PEX19: variants seen among roughly 807,000 people sequenced by gnomAD.
The protein encoded by PEX19 is 33 kDa housekeeping protein.
PEX19 carries 29 observed loss-of-function variants against 36.3 expected under a neutral mutation model. That is an observed-to-expected ratio of 0.80 (90% CI 0.60 to 1.09). The LOEUF (loss-of-function observed/expected upper bound fraction) is 1.09, where lower values mean the gene tolerates loss of function less well. PEX19 is among the 50% of genes least tolerant of loss of function. The pLI is 0.00. For missense variants in PEX19, 396 were observed against 368.1 expected, an observed-to-expected ratio of 1.08 and a Z score of -0.62; for synonymous variants, 141 against 135.2, an observed-to-expected ratio of 1.04 and a Z score of -0.30.
At position 160,283,007 on chromosome 1, in the gene PEX19, C is replaced by A. The variant is rs746239897; in HGVS notation, c.283G>T (p.Ala95Ser). 2 of 1,614,218 alleles carry A rather than the reference C, an allele frequency of 1.2e-6. No homozygotes were observed. Among genetic ancestry groups the A allele is most frequent in the Non-Finnish European group, 8.5e-7 (1 of 1,180,042 alleles). The change falls in exon 3 of 8, where the codon GCT becomes TCT. Residue 95 changes from alanine (A) to serine (S), a missense_variant. Transcript: ENST00000368072. ...AEFEKAMKELAEEEPHLVEQF... is the reference protein window; with the variant it reads ...AEFEKAMKELSEEEPHLVEQF... ...TCCACCAGGTGGGGTTCTTCCTCAG[C>A]CAACTCCTTCATTGCCTTCTCGAAC...
In PEX19 at chr1:160,284,908, T is replaced by C. The variant is rs548692440; in HGVS notation, c.70+147A>G. 402 of 720,012 alleles carry C rather than the reference T, an allele frequency of 5.6e-4. 2 individuals are homozygous for C. The highest frequency in any genetic ancestry group is 8.9e-4 in the Admixed American group (43 of 48,546). 44.6% of individuals were successfully genotyped at this position (720,012 alleles called of 1,614,324 possible). A position where few individuals can be genotyped will look rare whatever the true frequency, so the allele number is the denominator to read the frequency against. On this transcript the variant is annotated intron_variant, in intron 1 of 7. Transcript: ENST00000368072. ...GTGGGGCAGGATGACCCAGAGATTT[T>C]TGGGGGGCTCGGGGGTCAGACTCTC...
At chr1:160,281,652 C>T (rs867396921) in intron 5 of PEX19, among the ~76,000 whole-genome samples, 1 of 152,058 alleles carries the variant, frequency 6.6e-6, no homozygotes, top group African/African-American at 2.4e-5. Context: ...GTGATCCACC[C>T]GCCTCGGCCT....
At chr1:160,279,710 C>A in intron 7 of PEX19, 76 bp from the exon 8 acceptor site, 1 of 1,533,784 alleles carries the variant, frequency 6.5e-7, no homozygotes, top group Non-Finnish European at 9.0e-7. Flanking sequence ...CCAGTAGCCA[C>A]AATTTTCACC....
In PEX19 at chr1:160,278,154, T is replaced by A; in HGVS notation, c.*1397A>T. ...ACCAACATATGTCAGCCAAGGTCCG[T>A]AGACCCACTGGGAGCCACAGAAAAA... On this transcript the variant is annotated 3_prime_UTR_variant, in exon 8 of 8. Transcript: ENST00000368072. 2.8e-6 allele frequency: 2 copies of A among 702,574 alleles called. No individual in the cohort carries two copies. Among genetic ancestry groups the A allele is most frequent in the Admixed American group, 4.0e-5 (2 of 50,014 alleles). 43.5% of individuals were successfully genotyped at this position (702,574 alleles called of 1,614,324 possible). A position where few individuals can be genotyped will look rare whatever the true frequency, so the allele number is the denominator to read the frequency against.
At chr1:160,284,053 A>C in intron 1 of PEX19, 1 of 472,030 alleles carries the variant, frequency 2.1e-6, no homozygotes. Context: ...AAAAGGAATA[A>C]CTTGGTGAGA....
chr1:160,277,209 T>C lies in PEX19; in HGVS notation c.*2342A>G. 1 of 456,004 alleles carries C rather than the reference T, an allele frequency of 2.2e-6. No homozygotes were observed. Among genetic ancestry groups the C allele is most frequent in the South Asian group, 1.5e-5 (1 of 64,560 alleles). The allele number at this position is 456,004 out of a possible 1,614,324, so 28.2% of individuals were successfully genotyped here. ...CTGGTCAGTGAACACCTTTTTTTTT[T>C]TTTCACCAGTCTGTGACATGGTGAA... On this transcript the variant is annotated 3_prime_UTR_variant, in exon 8 of 8. Transcript: ENST00000368072.
In PEX19 at chr1:160,276,932, G is replaced by A. The variant is rs183564469; in HGVS notation, c.*2619C>T. ...GCAACTCCTTTAAAGTTTGAGAGTC[G>A]CATAAATATTTCATATACAGCTTAA... On this transcript the variant is annotated 3_prime_UTR_variant, in exon 8 of 8. Coordinates refer to ENST00000368072, the MANE Select transcript of PEX19 (RefSeq NM_002857.4). 116 of 452,386 alleles carry A rather than the reference G, an allele frequency of 2.6e-4. No homozygotes were observed. The highest frequency in any genetic ancestry group is 1.9e-3 in the African/African-American group (96 of 49,970). The allele number at this position is 452,386 out of a possible 1,614,324, so 28.0% of individuals were successfully genotyped here. A position where few individuals can be genotyped will look rare whatever the true frequency, so the allele number is the denominator to read the frequency against.
chr1:160,285,125 C>T lies in PEX19; in HGVS notation c.-1G>A, dbSNP rs1304463852. ...TACAGCCTTCCTCAGCGGCGGCCAT[C>T]TTGCTACCTCCGACTTGCCGTAGGA... On this transcript the variant is annotated 5_prime_UTR_variant, in exon 1 of 8. Coordinates refer to ENST00000368072, the MANE Select transcript of PEX19 (RefSeq NM_002857.4). 6.2e-7 allele frequency: 1 copy of T among 1,613,130 alleles called. No individual in the cohort carries two copies. The highest frequency in any genetic ancestry group is 1.3e-5 in the African/African-American group (1 of 74,910).
At chr1:160,284,822 A>G (rs1657940911) in intron 1 of PEX19, among the ~76,000 whole-genome samples, 1 of 152,160 alleles carries the variant, frequency 6.6e-6, no homozygotes, top group South Asian at 2.1e-4. Flanking sequence ...GTCCTGCGGA[A>G]ACATCCACCA....
intron 4 of PEX19, 43 bp downstream of exon 4, chr1:160,282,374 C>G: frequency 6.7e-7 from 1 of 1,501,096 alleles, no homozygotes; most frequent in Non-Finnish European, 9.3e-7. Flanking sequence ...GGAGAAATGT[C>G]TGGGAGTGGA....
At chr1:160,284,637 C>G (rs1557856032) in intron 1 of PEX19, among the ~76,000 whole-genome samples, 1 of 152,124 alleles carries the variant, frequency 6.6e-6, no homozygotes, top group Admixed American at 6.5e-5. Context: ...GAAGACAGGA[C>G]GAGGCACACA....
chr1:160,282,711 A>AT (rs1170220580), intron 3 of PEX19: 1 of 675,946 alleles, frequency 1.5e-6, no homozygotes, highest in African/African-American at 1.8e-5. Flanking sequence ...GATACCCACA[A>AT]TAACACTGTG....
rs1251534777 is a variant in PEX19, at chr1:160,277,883, T to A, written c.*1668A>T. ...AACAGAGACGTTTTACATTCAGATC[T>A]GGGCTCTTCCATGCTCTGGTAAGGT... On this transcript the variant is annotated 3_prime_UTR_variant, in exon 8 of 8. Transcript: ENST00000368072. The A allele has an allele frequency of 9.0e-6, 6 of 663,168 alleles. No homozygotes were observed. The highest frequency in any genetic ancestry group is 3.5e-5 in the African/African-American group (2 of 56,340). The allele number at this position is 663,168 out of a possible 1,614,324, so 41.1% of individuals were successfully genotyped here. A position where few individuals can be genotyped will look rare whatever the true frequency, so the allele number is the denominator to read the frequency against.
Position 160,285,119 on chromosome 1 carries a change from G to A in PEX19, c.6C>T (p.Ala2=), listed in dbSNP as rs1227761036. Residue 2 remains alanine, a synonymous_variant, in exon 1 of 8, where the codon GCC becomes GCT. Transcript: ENST00000368072. The part of the protein sequence containing the change: M[A]AAEEGCSVGA... ...CGACACTACAGCCTTCCTCAGCGGC[G>A]GCCATCTTGCTACCTCCGACTTGCC... 1.9e-6 allele frequency: 3 copies of A among 1,613,602 alleles called. No individual in the cohort carries two copies. Among genetic ancestry groups the A allele is most frequent in the Admixed American group, 1.7e-5 (1 of 60,022 alleles).
At chr1:160,280,360 C>T in intron 5 of PEX19, 114 bp from the exon 6 acceptor site, 1 of 993,184 alleles carries the variant, frequency 1.0e-6, no homozygotes, top group African/African-American at 1.6e-5. Context: ...AAACGAAAAG[C>T]TAAATAAGTA....
At chr1:160,281,795 T>C (rs562797699) in intron 5 of PEX19, among the ~76,000 whole-genome samples, 1 of 152,296 alleles carries the variant, frequency 6.6e-6, no homozygotes, top group African/African-American at 2.4e-5. Context: ...AAACTAGAAC[T>C]GAAGGATTTC....
At position 160,277,605 on chromosome 1, in the gene PEX19, C is replaced by T. The variant is rs775704726; in HGVS notation, c.*1946G>A. 1 of 454,132 alleles carries T rather than the reference C, an allele frequency of 2.2e-6. No individual in the cohort carries two copies. The highest frequency in any genetic ancestry group is 4.4e-6 in the Non-Finnish European group (1 of 226,820). 28.1% of individuals were successfully genotyped at this position (454,132 alleles called of 1,614,324 possible). ...AAAATAAAAATGAGTGCCTTGGGAA[C>T]AAAGATAAAGTGGACTAGGGCATCT... On this transcript the variant is annotated 3_prime_UTR_variant, in exon 8 of 8. Transcript: ENST00000368072.
At position 160,282,024 on chromosome 1, in the gene PEX19, TG is replaced by T; in HGVS notation, c.594+14del. The T allele has an allele frequency of 1.2e-6, 2 of 1,611,138 alleles. No homozygotes were observed. Among genetic ancestry groups the T allele is most frequent in the Non-Finnish European group, 1.7e-6 (2 of 1,177,306 alleles). On this transcript the variant is annotated intron_variant, in intron 5 of 7. Transcript: ENST00000368072. ...GGAAAATGAAGAGAAAAAGCAGAAATGGAAGTTCACAAACCTTTTCTGTGAT... is the reference window on the plus strand; with the variant it reads ...GGAAAATGAAGAGAAAAAGCAGAAATGAAGTTCACAAACCTTTTCTGTGAT...
intron 3 of PEX19, 92 bp from the exon 4 acceptor site, chr1:160,282,594 A>G: frequency 3.2e-6 from 3 of 942,154 alleles, no homozygotes; most frequent in Non-Finnish European, 5.2e-6. Context: ...AGCATTTACT[A>G]GTGAATCATT....
Sources: gnomAD v4.1 joint callset for allele counts (sites outside exome capture counted in the v4.1 genomes callset) on GRCh38, gnomAD v4.1.1 for gene constraint, MANE v1.5 for transcripts, NCBI Gene and HGNC (gene_info 2026-07-23, HGNC 2026-07-21) for gene names.